Variants in TEX11 observed in about 807,000 individuals in gnomAD.
TEX11 encodes the protein testis expressed 11.
TEX11 carries 7 observed loss-of-function variants against 84.4 expected under a neutral mutation model. The ratio of observed to expected loss-of-function variants is 0.08; its 90% CI spans 0.05 to 0.16. The LOEUF is 0.16. Ranked by LOEUF, TEX11 falls within the 10% of genes least tolerant of loss-of-function variation. TEX11 has a pLI of 1.00. For missense variants in TEX11, 551 were observed against 660.5 expected, an observed-to-expected ratio of 0.83 and a Z score of 1.82; for synonymous variants, 264 against 222.8, an observed-to-expected ratio of 1.18 and a Z score of -1.64.
downstream of TEX11, among the ~76,000 whole-genome samples, chrX:70,526,567 T>TA (rs528016287): frequency 0.045 from 3,642 of 80,747 alleles, 81 homozygotes; most frequent in East Asian, 0.12. Flanking sequence ...AGACTCCGTC[T>TA]AAAAAAAAAA....
intron 20 of TEX11, among the ~76,000 whole-genome samples, chrX:70,613,287 G>A (rs1321097694): frequency 2.7e-5 from 3 of 111,762 alleles, no homozygotes; most frequent in African/African-American, 9.8e-5. Context: ...GTTGAAAGAG[G>A]AACTGAAGAG....
intron 7 of TEX11, among the ~76,000 whole-genome samples, chrX:70,837,626 G>A (rs73546714): frequency 0.021 from 2,194 of 103,758 alleles, 55 homozygotes; most frequent in African/African-American, 0.073. Flanking sequence ...AGGACGGATC[G>A]CAAAAAAAAA....
intron 17 of TEX11, among the ~76,000 whole-genome samples, chrX:70,643,733 AC>A (rs1197378187): frequency 9.7e-6 from 1 of 103,030 alleles, no homozygotes; most frequent in Non-Finnish European, 2.0e-5. Context: ...GAAAGCTGAA[AC>A]TGGATCCCTT....
intron 28 of TEX11, among the ~76,000 whole-genome samples, chrX:70,551,670 C>T (rs7050746): frequency 0.088 from 9,770 of 111,305 alleles, 523 homozygotes; most frequent in Admixed American, 0.25. Context: ...CCTCAAGAAA[C>T]CTAATTTTAA....
intron 13 of TEX11, among the ~76,000 whole-genome samples, chrX:70,685,089 T>A (rs2090177118): frequency 1.8e-5 from 2 of 111,914 alleles, no homozygotes; most frequent in African/African-American, 6.5e-5. Flanking sequence ...TTGGGCTGGG[T>A]GCAGTGGCTC....
the TEX11 span, among the ~76,000 whole-genome samples, chrX:70,512,799 C>T: frequency 0.19 from 19,931 of 107,673 alleles, 3,075 homozygotes; most frequent in African/African-American, 0.42. Flanking sequence ...ACATGACTAT[C>T]GCCTTTGATC....
chrX:70,674,484 C>T (rs759449588), intron 15 of TEX11, among the ~76,000 whole-genome samples: 2 of 112,023 alleles, frequency 1.8e-5, no homozygotes, highest in South Asian at 7.5e-4. Flanking sequence ...TACTGCTTTC[C>T]ACAGTGGTTG....
intron 9 of TEX11, among the ~76,000 whole-genome samples, chrX:70,745,402 C>A (rs1434174877): frequency 9.1e-6 from 1 of 109,521 alleles, no homozygotes; most frequent in Non-Finnish European, 1.9e-5. Context: ...GTGAACTGAA[C>A]TAACTTGAAG....
chrX:70,841,960 A>C, intron 7 of TEX11, among the ~76,000 whole-genome samples: 1 of 111,805 alleles, frequency 8.9e-6, no homozygotes, highest in East Asian at 2.8e-4. Context: ...ATAGACCAAT[A>C]ACAGGCTCTG....
At position 70,553,339 on chromosome X, in the gene TEX11, T is replaced by C. The variant is rs1302431284; in HGVS notation, c.2366A>G (p.Lys789Arg). The change falls in exon 27 of 30, where the codon AAA (lysine) becomes AGA (arginine). Residue 789 changes from lysine to arginine, a missense_variant. By Grantham distance (26) the Lys-to-Arg change is conservative (BLOSUM62 2). Transcript: ENST00000374333. Reference sequence around the variant, plus strand: ...TGATATATCAATTGGTTCTTCCTTTTTGTAGAGCAATAAAGCCTTTTTCAA... The same window carrying C: ...TGATATATCAATTGGTTCTTCCTTTCTGTAGAGCAATAAAGCCTTTTTCAA... ...KALKKALLLY[K>R]KEEPIDISQY... 6 of 1,207,694 alleles carry C rather than the reference T, an allele frequency of 5.0e-6. No individual in the cohort carries two copies. The highest frequency in any genetic ancestry group is 2.2e-5 in the Admixed American group (1 of 45,761).
intron 15 of TEX11, among the ~76,000 whole-genome samples, chrX:70,671,477 T>C (rs1204153821): frequency 9.0e-6 from 1 of 111,106 alleles, no homozygotes; most frequent in Non-Finnish European, 1.9e-5. Context: ...CAATTAGAAA[T>C]AAGATTACAT....
At chrX:70,613,799 AGAAGAGAGG>A (rs1408974318) in intron 20 of TEX11, among the ~76,000 whole-genome samples, 1 of 111,225 alleles carries the variant, frequency 9.0e-6, no homozygotes, top group African/African-American at 3.3e-5. Flanking sequence ...CCGCTTGAAG[AGAAGAGAGG>A]GAAGAGAGGG....
intron 18 of TEX11, among the ~76,000 whole-genome samples, chrX:70,625,324 C>T (rs1198176908): frequency 9.0e-6 from 1 of 110,790 alleles, no homozygotes; most frequent in Non-Finnish European, 1.9e-5. Context: ...TTCTATCTCT[C>T]CCCGACTCCT....
At chrX:70,708,676 C>T (rs780661246) in intron 13 of TEX11, among the ~76,000 whole-genome samples, 1 of 111,216 alleles carries the variant, frequency 9.0e-6, no homozygotes, top group East Asian at 2.8e-4. Flanking sequence ...GGCCATAATC[C>T]TAAGCAAATT....
At chrX:70,695,150 A>G (rs1009805743) in intron 13 of TEX11, among the ~76,000 whole-genome samples, 8 of 112,383 alleles carry the variant, frequency 7.1e-5, no homozygotes, top group African/African-American at 2.6e-4. Context: ...ATGAAAGCAA[A>G]TGTCCATACA....
At chrX:70,852,331 C>T (rs193177299) in intron 7 of TEX11, among the ~76,000 whole-genome samples, 2 of 111,358 alleles carry the variant, frequency 1.8e-5, no homozygotes, top group African/African-American at 6.5e-5. Flanking sequence ...TACAGGTGCA[C>T]ACCACCAAGC....
At chrX:70,705,895 T>G (rs1402276457) in intron 13 of TEX11, among the ~76,000 whole-genome samples, 6 of 111,812 alleles carry the variant, frequency 5.4e-5, no homozygotes, top group African/African-American at 1.9e-4. Flanking sequence ...TGGAAGACAG[T>G]GTGGTGATTC....
chrX:70,866,525 A>G (rs1291833352), intron 4 of TEX11, among the ~76,000 whole-genome samples: 1 of 110,836 alleles, frequency 9.0e-6, no homozygotes, highest in African/African-American at 3.3e-5. Flanking sequence ...AAAAAAAGGG[A>G]CTCCTCCCTA....
At chrX:70,827,108 A>G (rs1479057513) in intron 8 of TEX11, among the ~76,000 whole-genome samples, 1 of 111,430 alleles carries the variant, frequency 9.0e-6, no homozygotes, top group Non-Finnish European at 1.9e-5. Context: ...TGGGCAGAGT[A>G]GTGAGGCCCC....
Sources: gnomAD v4.1 joint callset for allele counts (sites outside exome capture counted in the v4.1 genomes callset) on GRCh38, gnomAD v4.1.1 for gene constraint, MANE v1.5 for transcripts, NCBI Gene and HGNC (gene_info 2026-07-23, HGNC 2026-07-21) for gene names.